Variants in FAM184A observed in about 807,000 individuals in gnomAD.
FAM184A encodes the protein protein FAM184A.
A neutral mutation model predicts 143.8 loss-of-function variants in FAM184A; 99 were observed. The observed-to-expected ratio is 0.69, with a 90% confidence interval of 0.58 to 0.81. FAM184A has a LOEUF of 0.81. Ranked by LOEUF, FAM184A falls within the 40% of genes least tolerant of loss-of-function variation. The pLI is 0.00. For missense variants in FAM184A, 1,217 were observed against 1,310.5 expected, an observed-to-expected ratio of 0.93 and a Z score of 1.10; for synonymous variants, 427 against 446.4, an observed-to-expected ratio of 0.96 and a Z score of 0.55.
At chr6:119,102,710 A>G (rs1788671971) in intron 1 of FAM184A, among the ~76,000 whole-genome samples, 1 of 143,814 alleles carries the variant, frequency 7.0e-6, no homozygotes, top group Non-Finnish European at 1.5e-5. Flanking sequence ...GAATCGTTTG[A>G]ATCCAGGAGG....
At chr6:119,056,679 C>T (rs1786988572) in intron 1 of FAM184A, among the ~76,000 whole-genome samples, 1 of 152,128 alleles carries the variant, frequency 6.6e-6, no homozygotes, top group Admixed American at 6.5e-5. Context: ...CACAACATGC[C>T]AAGCATTTAT....
intron 1 of FAM184A, among the ~76,000 whole-genome samples, chr6:119,125,437 TA>T (rs1163334069): frequency 6.6e-6 from 1 of 152,166 alleles, no homozygotes; most frequent in East Asian, 1.9e-4. Flanking sequence ...TATGCCTGGC[TA>T]ATTTTTGTAT....
At chr6:118,981,635 A>C (rs1327943091) in intron 9 of FAM184A, among the ~76,000 whole-genome samples, 1 of 152,166 alleles carries the variant, frequency 6.6e-6, no homozygotes, top group Non-Finnish European at 1.5e-5. Context: ...TGGAAAAAGA[A>C]AAGGTCGAAA....
At chr6:119,018,451 G>A (rs1175659836) in intron 4 of FAM184A, among the ~76,000 whole-genome samples, 2 of 152,154 alleles carry the variant, frequency 1.3e-5, no homozygotes, top group Non-Finnish European at 2.9e-5. Context: ...GGAAAGTTTA[G>A]GGAGACAGAA....
chr6:118,997,500 G>C (rs990498985), intron 9 of FAM184A, among the ~76,000 whole-genome samples: 1 of 152,092 alleles, frequency 6.6e-6, no homozygotes, highest in African/African-American at 2.4e-5. Flanking sequence ...GACCAGCCTG[G>C]CCAACATGGT....
chr6:119,106,848 A>G (rs896294856), intron 1 of FAM184A, among the ~76,000 whole-genome samples: 1 of 152,234 alleles, frequency 6.6e-6, no homozygotes, highest in African/African-American at 2.4e-5. Flanking sequence ...AAATACAGAT[A>G]TTCACTGAAA....
intron 1 of FAM184A, among the ~76,000 whole-genome samples, chr6:119,065,639 C>T (rs540155790): frequency 1.3e-5 from 2 of 152,254 alleles, no homozygotes; most frequent in South Asian, 4.1e-4. Flanking sequence ...ATGACAGACC[C>T]GTTATCCTCA....
chr6:118,976,730 T>C (rs918059741), intron 11 of FAM184A, among the ~76,000 whole-genome samples: 3 of 151,996 alleles, frequency 2.0e-5, no homozygotes, highest in African/African-American at 7.3e-5. Context: ...GGAGGCAACT[T>C]CTCACCCAAA....
chr6:119,123,489 T>TA, intron 1 of FAM184A, among the ~76,000 whole-genome samples: 1 of 152,222 alleles, frequency 6.6e-6, no homozygotes, highest in Admixed American at 6.5e-5. Flanking sequence ...AAACATGATT[T>TA]AAATGTTTAA....
chr6:119,025,718 A>C (rs1230457530), intron 1 of FAM184A: 2 of 452,064 alleles, frequency 4.4e-6, no homozygotes, highest in East Asian at 1.2e-4. Context: ...TAAGGCTTTG[A>C]GATGAGCCCA....
At position 119,078,136 on chromosome 6, in the gene FAM184A, C is replaced by G; in HGVS notation, c.159+5G>C. On this transcript the variant is annotated splice_donor_5th_base_variant and intron_variant, in intron 1 of 17. Transcript: ENST00000338891. This position sits in a 1 kb window ranked among gnomAD's most constrained non-coding sequence, Gnocchi z 5.5. Reference sequence around the variant, plus strand: ...CGCCACCTGCCCCGTCGCTGCCCCCCTTACCTTGGTGAGCTGGGCGATTTT... The same window carrying G: ...CGCCACCTGCCCCGTCGCTGCCCCCGTTACCTTGGTGAGCTGGGCGATTTT... 1 of 1,584,520 alleles carries G rather than the reference C, an allele frequency of 6.3e-7. No individual in the cohort carries two copies. Among genetic ancestry groups the G allele is most frequent in the Non-Finnish European group, 8.6e-7 (1 of 1,167,828 alleles).
At chr6:118,997,416 G>A (rs188022439) in intron 9 of FAM184A, among the ~76,000 whole-genome samples, 13 of 151,966 alleles carry the variant, frequency 8.6e-5, no homozygotes, top group Admixed American at 3.3e-4. Flanking sequence ...GCAGCCGGGC[G>A]CAGTGGCTCA....
chr6:119,116,267 T>C (rs1194027011), intron 1 of FAM184A, among the ~76,000 whole-genome samples: 1 of 151,928 alleles, frequency 6.6e-6, no homozygotes, highest in Non-Finnish European at 1.5e-5. Flanking sequence ...AAAAACCAGA[T>C]ACCGCATGTC....
At position 119,011,396 on chromosome 6, in the gene FAM184A, G is replaced by T; in HGVS notation, c.1566C>A (p.Asn522Lys). ...GAAGCTGATTTTTATCCTCTTCCAG[G>T]TTTAGTTTATCTTTGTTATGTTGTT... ...LEEQHNKDKL[N>K]LEEDKNQLQQ... Residue 522 changes from asparagine (N) to lysine (K), a missense_variant, in exon 6 of 18, where the codon AAC (asparagine) becomes AAA (lysine). Coordinates refer to ENST00000338891, the MANE Select transcript of FAM184A (RefSeq NM_024581.6). The T allele has an allele frequency of 6.4e-7, 1 of 1,567,914 alleles. No homozygotes were observed. The highest frequency in any genetic ancestry group is 1.7e-4 in the Middle Eastern group (1 of 5,950).
chr6:119,015,115 C>T (rs910927452), intron 5 of FAM184A, among the ~76,000 whole-genome samples: 2 of 151,988 alleles, frequency 1.3e-5, no homozygotes, highest in African/African-American at 2.4e-5. Context: ...CAAATCATTG[C>T]TCTACAATAT....
chr6:119,035,196 C>T (rs1391695314), intron 1 of FAM184A, among the ~76,000 whole-genome samples: 1 of 152,100 alleles, frequency 6.6e-6, no homozygotes, highest in African/African-American at 2.4e-5. Context: ...AAATAAAATT[C>T]CAAGTTCCCC....
At chr6:119,002,253 CAGTT>C (rs1445560943) in intron 9 of FAM184A, among the ~76,000 whole-genome samples, 1 of 152,114 alleles carries the variant, frequency 6.6e-6, no homozygotes, top group East Asian at 1.9e-4. Context: ...GTGATTCATG[CAGTT>C]AATCCTATTT....
At chr6:119,021,137 G>A (rs1785432101) in intron 3 of FAM184A, among the ~76,000 whole-genome samples, 1 of 152,156 alleles carries the variant, frequency 6.6e-6, no homozygotes, top group African/African-American at 2.4e-5. Context: ...CTCTGAGGGT[G>A]GGGCCCAGCA....
rs557850553 is a variant in FAM184A, at chr6:119,133,483, G to C, written c.-202+15595C>G. 3.9e-5 allele frequency among the ~76,000 whole-genome samples: 6 copies of C among 152,226 alleles called. No homozygotes were observed. In the South Asian group the frequency reaches 1.2e-3, roughly 32 times the overall value. ...AAGTAAGAGAAGCGGGGCTGCAGTAGAGCCAAGGGAAAGCCTCAGCCTACC... is the reference window on the plus strand; with the variant it reads ...AAGTAAGAGAAGCGGGGCTGCAGTACAGCCAAGGGAAAGCCTCAGCCTACC... On this transcript the variant is annotated intron_variant, in intron 1 of 16. Coordinates refer to the FAM184A transcript ENST00000352896.
Sources: gnomAD v4.1 joint callset for allele counts (sites outside exome capture counted in the v4.1 genomes callset) on GRCh38, gnomAD v4.1.1 for gene constraint, Gnocchi (gnomAD v3.1) non-coding constraint, MANE v1.5 for transcripts, NCBI Gene and HGNC (gene_info 2026-07-23, HGNC 2026-07-21) for gene names.